Variants in STPG2 observed in about 807,000 individuals in gnomAD.
STPG2 encodes sperm-tail PG-rich repeat-containing protein 2.
In STPG2, 56 loss-of-function variants were observed where a neutral mutation model predicts 54.2. The ratio of observed to expected loss-of-function variants is 1.03; its 90% CI spans 0.83 to 1.29. The LOEUF (loss-of-function observed/expected upper bound fraction) is 1.29. Among genes scored for constraint, STPG2 ranks in the 50% most tolerant of loss-of-function variants. The probability of loss-of-function intolerance (pLI) is 0.00; values close to 1 mark genes in which losing one functional copy is unlikely to be tolerated. For missense variants in STPG2, 596 were observed against 544.9 expected, an observed-to-expected ratio of 1.09 and a Z score of -0.93; for synonymous variants, 200 against 181.8, an observed-to-expected ratio of 1.10 and a Z score of -0.81.
At chr4:98,109,711 T>C (rs1489911533) in intron 3 of STPG2, among the ~76,000 whole-genome samples, 1 of 152,114 alleles carries the variant, frequency 6.6e-6, no homozygotes, top group Non-Finnish European at 1.5e-5. Flanking sequence ...ATTGAAAAAA[T>C]GCAAACATCA....
intron 8 of STPG2, among the ~76,000 whole-genome samples, chr4:97,892,747 G>T (rs1181219879): frequency 6.6e-6 from 1 of 152,140 alleles, no homozygotes; most frequent in Non-Finnish European, 1.5e-5. Flanking sequence ...TGCATATTTG[G>T]TCTCACCAGT....
intron 8 of STPG2, among the ~76,000 whole-genome samples, chr4:97,931,982 T>C (rs1172713799): frequency 6.6e-6 from 1 of 152,140 alleles, no homozygotes; most frequent in South Asian, 2.1e-4. Flanking sequence ...GGAGGATGTA[T>C]GTGTCCAGGA....
intron 5 of STPG2, among the ~76,000 whole-genome samples, chr4:98,038,336 A>G (rs771075605): frequency 8.5e-5 from 13 of 152,156 alleles, no homozygotes; most frequent in Non-Finnish European, 1.6e-4. Context: ...CTGTAAAGTT[A>G]AAAATAGTGT....
intron 5 of STPG2, among the ~76,000 whole-genome samples, chr4:98,031,878 C>T (rs1736611572): frequency 6.6e-6 from 1 of 151,894 alleles, no homozygotes; most frequent in Non-Finnish European, 1.5e-5. Flanking sequence ...AAGCAAAAAA[C>T]AAACAATCCC....
chr4:97,536,134 C>A (rs559011630), intron 4 of STPG2, among the ~76,000 whole-genome samples: 1 of 152,256 alleles, frequency 6.6e-6, no homozygotes, highest in African/African-American at 2.4e-5. Flanking sequence ...TGCCACCATG[C>A]CTGCAAAATT....
chr4:98,129,573 A>G (rs1467370447), intron 2 of STPG2, among the ~76,000 whole-genome samples: 2 of 152,116 alleles, frequency 1.3e-5, no homozygotes, highest in African/African-American at 4.8e-5. Flanking sequence ...TTAATGTTAG[A>G]GTCAGAAGTT....
intron 9 of STPG2, among the ~76,000 whole-genome samples, chr4:97,753,333 CT>C (rs1293328112): frequency 5.9e-5 from 9 of 152,032 alleles, no homozygotes; most frequent in Non-Finnish European, 1.3e-4. Context: ...CTGTACAATA[CT>C]TGTCCTTCTG....
chr4:97,508,823 A>G (rs1369153308), intron 4 of STPG2, among the ~76,000 whole-genome samples: 1 of 152,136 alleles, frequency 6.6e-6, no homozygotes, highest in Non-Finnish European at 1.5e-5. Context: ...CAGAAAATAT[A>G]CTTTAATAGT....
chr4:97,518,120 G>T (rs1401905866), intron 4 of STPG2, among the ~76,000 whole-genome samples: 2 of 152,028 alleles, frequency 1.3e-5, no homozygotes, highest in African/African-American at 2.4e-5. Flanking sequence ...CTGCTATTTT[G>T]ACACATTAAT....
chr4:98,052,068 C>T (rs929602714), intron 5 of STPG2, among the ~76,000 whole-genome samples: 8 of 53,764 alleles, frequency 1.5e-4, no homozygotes, highest in Admixed American at 3.0e-4. Flanking sequence ...GCCTGGGCCA[C>T]GAGAGCAAAA....
intron 9 of STPG2, among the ~76,000 whole-genome samples, chr4:97,722,964 ATTT>A (rs3974903): frequency 0.017 from 2,012 of 116,350 alleles, 35 homozygotes; most frequent in East Asian, 0.066. Flanking sequence ...CACCCGGCTA[ATTT>A]TTTTTTTTTT....
Position 98,001,425 on chromosome 4 carries a change from C to T in STPG2, c.613-20107G>A, listed in dbSNP as rs1009160865. ...TAACATTTATTACTATGCAATGCAA[C>T]GTGAACTTCCACAGAGTTCCTTAAT... On this transcript the variant is annotated intron_variant, in intron 5 of 10. Transcript: ENST00000295268. Among the ~76,000 whole-genome samples, 7 of 151,758 alleles carry T rather than the reference C, an allele frequency of 4.6e-5. No homozygotes were observed. The East Asian group carries it at 9.6e-4, about 21-fold the overall frequency.
At chr4:97,598,355 C>T (rs547438787) in intron 10 of STPG2, among the ~76,000 whole-genome samples, 1 of 151,084 alleles carries the variant, frequency 6.6e-6, no homozygotes, top group Non-Finnish European at 1.5e-5. Context: ...CTACCAATGA[C>T]ATTCTTCACG....
At chr4:97,711,939 G>C (rs951550965) in intron 10 of STPG2, among the ~76,000 whole-genome samples, 2 of 152,010 alleles carry the variant, frequency 1.3e-5, no homozygotes, top group African/African-American at 4.8e-5. Flanking sequence ...AAAGTGCTGG[G>C]ATTACAGGCA....
intron 9 of STPG2, among the ~76,000 whole-genome samples, chr4:97,751,350 T>C (rs1210828881): frequency 2.6e-5 from 4 of 151,784 alleles, no homozygotes; most frequent in Non-Finnish European, 5.9e-5. Flanking sequence ...GGAGTCCTTC[T>C]AGTGAATCAC....
chr4:97,872,232 A>T (rs1730016448), intron 8 of STPG2, among the ~76,000 whole-genome samples: 1 of 151,252 alleles, frequency 6.6e-6, no homozygotes, highest in African/African-American at 2.4e-5. Flanking sequence ...TCAGGAAGAA[A>T]AAAGGTAAGT....
At chr4:97,949,407 C>T (rs906652697) in intron 7 of STPG2, among the ~76,000 whole-genome samples, 1 of 152,064 alleles carries the variant, frequency 6.6e-6, no homozygotes, top group Admixed American at 6.6e-5. Context: ...GACCATTACG[C>T]CATTTACGTT....
At chr4:97,533,861 T>C (rs1731470025) in intron 4 of STPG2, among the ~76,000 whole-genome samples, 4 of 152,142 alleles carry the variant, frequency 2.6e-5, no homozygotes, top group Admixed American at 1.3e-4. Context: ...TACAAGTCTT[T>C]TTGTAAATAA....
At chr4:97,638,367 A>G (rs1244887073) in intron 10 of STPG2, among the ~76,000 whole-genome samples, 1 of 152,036 alleles carries the variant, frequency 6.6e-6, no homozygotes, top group Non-Finnish European at 1.5e-5. Context: ...AGACTTAAAC[A>G]TTAGACCTAA....
Sources: gnomAD v4.1 joint callset for allele counts (sites outside exome capture counted in the v4.1 genomes callset) on GRCh38, gnomAD v4.1.1 for gene constraint, MANE v1.5 for transcripts, NCBI Gene and HGNC (gene_info 2026-07-23, HGNC 2026-07-21) for gene names.